Variants in ITGA2 observed in about 807,000 individuals in gnomAD.
The protein encoded by ITGA2 is integrin subunit alpha 2, also known as integrin alpha-2.
Under a neutral mutation model 146.3 loss-of-function variants are expected in ITGA2, and 101 were observed. The observed-to-expected ratio is 0.69, with a 90% CI of 0.59 to 0.81. The LOEUF (loss-of-function observed/expected upper bound fraction) is 0.81. Ranked by LOEUF, ITGA2 falls within the 40% of genes least tolerant of loss-of-function variation. The pLI, the probability that ITGA2 is intolerant of heterozygous loss-of-function variation, is 0.00. For missense variants in ITGA2, 1,281 were observed against 1,402.7 expected (o/e 0.91, Z 1.39); for synonymous variants, 477 against 487.1 (o/e 0.98, Z 0.27).
intron 1 of ITGA2, among the ~76,000 whole-genome samples, chr5:52,993,463 A>G (rs573849796): frequency 1.2e-4 from 18 of 152,268 alleles, no homozygotes; most frequent in African/African-American, 4.3e-4. Context: ...CCACTTTCCT[A>G]AGATTAAAAT....
intron 17 of ITGA2, among the ~76,000 whole-genome samples, chr5:53,070,556 T>C (rs1745341672): frequency 6.6e-6 from 1 of 151,912 alleles, no homozygotes; most frequent in Non-Finnish European, 1.5e-5. Context: ...CAGAGAGAAC[T>C]TTCCATTGGC....
intron 26 of ITGA2, 90 bp downstream of exon 26, chr5:53,081,786 T>A (rs1745934620): frequency 2.3e-6 from 2 of 853,068 alleles, no homozygotes; most frequent in Admixed American, 2.2e-5. Flanking sequence ...GCTGATATCA[T>A]AGAGCTTTCT....
At position 53,067,177 on chromosome 5, in the gene ITGA2, T is replaced by A; in HGVS notation, c.2003T>A (p.Leu668Ter). Residue 668 changes from leucine to a stop codon, truncating the protein, a stop_gained, in exon 16 of 30, where the codon TTG becomes TAG. Coordinates refer to ENST00000296585, the MANE Select transcript of ITGA2 (RefSeq NM_002203.4). LOFTEE classifies it high-confidence loss of function. Reference protein sequence around the residue: ...EASFTPEKITLVNKNAQIILK... With the variant: ...EASFTPEKIT The stretch of plus-strand genomic sequence containing the variant: ...TCATTCACACCAGAAAAAATCACTT[T>A]GGTCAACAAGAATGCTCAGATAATT... 6.2e-7 allele frequency: 1 copy of A among 1,611,646 alleles called. No individual in the cohort carries two copies. The highest frequency in any genetic ancestry group is 8.5e-7 in the Non-Finnish European group (1 of 1,178,742).
chr5:52,996,289 A>G (rs1741246392), intron 1 of ITGA2, among the ~76,000 whole-genome samples: 1 of 152,176 alleles, frequency 6.6e-6, no homozygotes, highest in Non-Finnish European at 1.5e-5. Flanking sequence ...ATTGAGGTAT[A>G]TGTATGTGGC....
At chr5:53,004,894 G>GTTTTTTTTTTTTT (rs548541753) in intron 1 of ITGA2, among the ~76,000 whole-genome samples, 4 of 55,922 alleles carry the variant, frequency 7.2e-5, no homozygotes, top group Non-Finnish European at 1.2e-4. Context: ...TAGTTGCTTT[G>GTTTTTTTTTTTTT]TTTTTTTTTT....
At position 53,061,223 on chromosome 5, in the gene ITGA2, C is replaced by T. The variant is rs536419423; in HGVS notation, c.1458+177C>T. 2.8e-4 allele frequency among the ~76,000 whole-genome samples: 42 copies of T among 151,966 alleles called. No homozygotes were observed. The South Asian group carries it at 5.4e-3, about 20-fold the overall frequency. On this transcript the variant is annotated intron_variant, in intron 12 of 29. Transcript: ENST00000296585. ...ATCACAACAATACCAAGAAGACAGC[C>T]CTCCCTTTTGACAACTTACTGGGAA...
chr5:53,055,920 G>C, intron 8 of ITGA2, 64 bp from the exon 9 acceptor site: 1 of 1,475,844 alleles, frequency 6.8e-7, no homozygotes, highest in Non-Finnish European at 9.4e-7. Context: ...AAATAGGCTA[G>C]AATGTACTCA....
intron 1 of ITGA2, among the ~76,000 whole-genome samples, chr5:53,021,471 A>T (rs972030229): frequency 3.9e-5 from 6 of 152,126 alleles, no homozygotes; most frequent in African/African-American, 1.4e-4. Flanking sequence ...ATTCTTCCGG[A>T]GTAGATAACA....
intron 28 of ITGA2, among the ~76,000 whole-genome samples, chr5:53,088,355 T>A (rs1291932526): frequency 6.6e-6 from 1 of 152,094 alleles, no homozygotes; most frequent in Non-Finnish European, 1.5e-5. Flanking sequence ...CAGAAGCCAA[T>A]TACTAGGTGC....
intron 1 of ITGA2, among the ~76,000 whole-genome samples, chr5:52,992,463 A>T (rs1188330439): frequency 6.6e-6 from 1 of 152,202 alleles, no homozygotes; most frequent in African/African-American, 2.4e-5. Context: ...TCCAAAACTG[A>T]ATTTAATACG....
At chr5:53,012,476 A>C (rs1742182513) in intron 1 of ITGA2, among the ~76,000 whole-genome samples, 1 of 152,106 alleles carries the variant, frequency 6.6e-6, no homozygotes, top group Non-Finnish European at 1.5e-5. Context: ...TTTTATTTTT[A>C]AACAATACCA....
At chr5:53,021,031 A>G (rs1742658738) in intron 1 of ITGA2, among the ~76,000 whole-genome samples, 1 of 152,068 alleles carries the variant, frequency 6.6e-6, no homozygotes, top group Non-Finnish European at 1.5e-5. Flanking sequence ...GGAAAATTTA[A>G]AAGCAGCTAC....
At chr5:53,065,488 T>G (rs535746380) in intron 14 of ITGA2, among the ~76,000 whole-genome samples, 47 of 151,996 alleles carry the variant, frequency 3.1e-4, no homozygotes, top group African/African-American at 1.1e-3. Context: ...AAGGGGTGAC[T>G]AATGAGGCCT....
intron 21 of ITGA2, 55 bp downstream of exon 21, chr5:53,074,532 T>A: frequency 1.5e-6 from 2 of 1,307,140 alleles, no homozygotes; most frequent in Non-Finnish European, 2.2e-6. Flanking sequence ...GCACATATGC[T>A]AATTTACCAA....
intron 28 of ITGA2, 111 bp downstream of exon 28, chr5:53,087,152 C>T (rs183103067): frequency 1.3e-6 from 1 of 787,420 alleles, no homozygotes; most frequent in Non-Finnish European, 2.2e-6. Flanking sequence ...AAGTATCTTA[C>T]TAAAACTTTA....
intron 28 of ITGA2, 102 bp downstream of exon 28, chr5:53,087,143 A>G: frequency 1.2e-6 from 1 of 807,464 alleles, no homozygotes. Flanking sequence ...TGTATGTAGA[A>G]GTATCTTACT....
Position 53,088,827 on chromosome 5 carries a change from A to T in ITGA2, c.3349-1119A>T, listed in dbSNP as rs565250022. ...AATAATTTGGATAAATTTTTGAATA[A>T]GGTATGTAACCTAAATAATAACTTC... On this transcript the variant is annotated intron_variant, in intron 28 of 29. Transcript: ENST00000296585. Among the ~76,000 whole-genome samples, 112 of 152,324 alleles carry T rather than the reference A, an allele frequency of 7.4e-4. 3 individuals carry two copies. In the South Asian group the frequency reaches 0.022, roughly 30 times the overall value.
intron 1 of ITGA2, among the ~76,000 whole-genome samples, chr5:53,001,512 C>T (rs1039863434): frequency 2.6e-5 from 4 of 152,114 alleles, no homozygotes; most frequent in African/African-American, 9.7e-5. Context: ...TTTCACTTTT[C>T]AGATCCTTTT....
chr5:53,009,612 G>A (rs1742024263), intron 1 of ITGA2, among the ~76,000 whole-genome samples: 1 of 152,024 alleles, frequency 6.6e-6, no homozygotes, highest in African/African-American at 2.4e-5. Context: ...TAATTTGAAG[G>A]ATCACCACTT....
Sources: gnomAD v4.1 joint callset for allele counts (sites outside exome capture counted in the v4.1 genomes callset) on GRCh38, gnomAD v4.1.1 for gene constraint, MANE v1.5 for transcripts, NCBI Gene and HGNC (gene_info 2026-07-23, HGNC 2026-07-21) for gene names.